Variants in FAM184B observed in about 807,000 individuals in gnomAD.
FAM184B encodes the protein family with sequence similarity 184 member B, also known as protein FAM184B.
A neutral mutation model predicts 135.9 loss-of-function variants in FAM184B; 111 were observed. That is an observed-to-expected ratio of 0.82 (90% confidence interval 0.70 to 0.96). The LOEUF is 0.96. FAM184B is among the 40% of genes least tolerant of loss of function. The pLI is 0.00. For missense variants in FAM184B, 1,375 were observed against 1,323.9 expected (o/e 1.04, Z -0.60); for synonymous variants, 552 against 524.8 (o/e 1.05, Z -0.71).
intron 1 of FAM184B, among the ~76,000 whole-genome samples, chr4:17,779,197 A>G (rs901463197): frequency 3.3e-5 from 5 of 152,210 alleles, no homozygotes; most frequent in Admixed American, 1.3e-4. Context: ...GAGCCCAAAT[A>G]TATTAGTAAT....
rs199549580 is a variant in FAM184B, at chr4:17,632,043, ATTTTTTTTTT to A, written c.*479_*488del. 3.7e-4 allele frequency: 44 copies of A among 117,570 alleles called. No homozygotes were observed. The highest frequency in any genetic ancestry group is 1.1e-3 in the East Asian group (5 of 4,594). 7.3% of individuals were successfully genotyped at this position (117,570 alleles called of 1,614,324 possible). On this transcript the variant is annotated 3_prime_UTR_variant, in exon 18 of 18. Transcript: ENST00000265018. ...TTTTAATAACACTGGTTTAATGTCA[ATTTTTTTTTT>A]TTTTTTTTTTTTTTTTTTTTTTTTT... is the stretch of plus-strand genomic sequence containing the variant.
Position 17,633,754 on chromosome 4 carries a change from G to T in FAM184B, c.3024C>A (p.Asp1008Glu). ...APPITTSPSL[D>E]PSPSCGRTYK... ...AGGTCCGGCCACAGCTGGGGCTTGG[G>T]TCCAAGCTGGGTGATGTAGTTATTG... The change falls in exon 17 of 18, where the codon GAC becomes GAA. Residue 1008 changes from aspartate to glutamate, a missense_variant. Asp to Glu is a conservative substitution (Grantham distance 45, BLOSUM62 2). Transcript: ENST00000265018. 6.4e-7 allele frequency: 1 copy of T among 1,551,224 alleles called. No homozygotes were observed. The highest frequency in any genetic ancestry group is 8.7e-7 in the Non-Finnish European group (1 of 1,146,814).
chr4:17,647,648 T>C lies in FAM184B; in HGVS notation c.2335A>G (p.Ile779Val), dbSNP rs1203904207. 1 of 1,549,856 alleles carries C rather than the reference T, an allele frequency of 6.5e-7. No individual in the cohort carries two copies. The highest frequency in any genetic ancestry group is 8.7e-7 in the Non-Finnish European group (1 of 1,146,566). Residue 779 changes from isoleucine to valine, a missense_variant, in exon 12 of 18, where the codon ATC (isoleucine) becomes GTC (valine). Coordinates refer to ENST00000265018, the MANE Select transcript of FAM184B (RefSeq NM_015688.2). ...GCGGGGGCACTGACCTCTGTGGCGA[T>C]TATGTGATCCTTGCTGTCTCCTGGA... is the stretch of plus-strand genomic sequence containing the variant. ...QCPGDSKDHI[I>V]ATEERGGPGQ...
intron 1 of FAM184B, among the ~76,000 whole-genome samples, chr4:17,769,849 G>T (rs1042310755): frequency 2.0e-5 from 3 of 152,150 alleles, no homozygotes; most frequent in African/African-American, 4.8e-5. Flanking sequence ...ATATAGGAGA[G>T]GACAGAAATA....
At position 17,658,459 on chromosome 4, in the gene FAM184B, C is replaced by T. The variant is rs1860596; in HGVS notation, c.1928G>A (p.Arg643His). 936,478 of 1,551,208 alleles carry T rather than the reference C, an allele frequency of 0.6. 286,913 individuals carry two copies. Among genetic ancestry groups the T allele is most frequent in the East Asian group, 0.9 (36,665 of 40,872 alleles). Residue 643 changes from arginine (R) to histidine (H), a missense_variant, in exon 10 of 18, where the codon CGT becomes CAT. Physicochemically the swap from Arg to His is conservative, Grantham distance 29 (BLOSUM62 0). Transcript: ENST00000265018. ...LSDLEREKLQ[R>H]ELQETTQQNH... Reference sequence around the variant, plus strand: ...CTGCTGAGTGGTCTCCTGGAGCTCACGCTGCAGCTTCTCCCTCTCCAGGTC... The same window carrying T: ...CTGCTGAGTGGTCTCCTGGAGCTCATGCTGCAGCTTCTCCCTCTCCAGGTC...
At chr4:17,649,855 T>TCCATCCAC (rs1715563136) in intron 11 of FAM184B, among the ~76,000 whole-genome samples, 1 of 138,792 alleles carries the variant, frequency 7.2e-6, no homozygotes, top group African/African-American at 2.5e-5. Flanking sequence ...TGTCCATCCA[T>TCCATCCAC]CCATCCACCC....
chr4:17,686,684 G>A (rs1009410833), intron 7 of FAM184B, among the ~76,000 whole-genome samples: 4 of 152,246 alleles, frequency 2.6e-5, no homozygotes, highest in Non-Finnish European at 4.4e-5. Flanking sequence ...GCTCATGCCT[G>A]TAATCCCAGC....
At chr4:17,652,762 G>A in intron 11 of FAM184B, 68 bp downstream of exon 11, 4 of 1,502,178 alleles carry the variant, frequency 2.7e-6, no homozygotes, top group Non-Finnish European at 1.8e-6. Context: ...CCCTCAGCTT[G>A]TCTCTGGTTT....
At chr4:17,687,322 T>C (rs1716611484) in intron 7 of FAM184B, among the ~76,000 whole-genome samples, 1 of 152,166 alleles carries the variant, frequency 6.6e-6, no homozygotes. Flanking sequence ...ATAAGTGAAA[T>C]TGAAGGCCGT....
chr4:17,732,088 G>A (rs1380424998), intron 1 of FAM184B, among the ~76,000 whole-genome samples: 1 of 152,140 alleles, frequency 6.6e-6, no homozygotes, highest in Non-Finnish European at 1.5e-5. Flanking sequence ...AGTGACTACT[G>A]GGTACATAAC....
intron 7 of FAM184B, among the ~76,000 whole-genome samples, chr4:17,681,372 C>T (rs1716429048): frequency 6.6e-6 from 1 of 152,182 alleles, no homozygotes; most frequent in Admixed American, 6.5e-5. Flanking sequence ...TGTCCTAAGC[C>T]TTAGGCAGGT....
rs1052755061 is a variant in FAM184B at position 17,734,430 on chromosome 4, C to T, written c.142-24786G>A. Among the ~76,000 whole-genome samples the T allele has an allele frequency of 2.5e-4, 38 of 152,208 alleles. No individual in the cohort carries two copies. The East Asian group carries it at 6.4e-3, about 26-fold the overall frequency. On this transcript the variant is annotated intron_variant, in intron 1 of 17. Coordinates refer to ENST00000265018, the MANE Select transcript of FAM184B (RefSeq NM_015688.2). ...TGGGAGAAAATTTTTGCAACCTACT[C>T]ATCTGACAAAGGCCTAATATCCAGA...
At chr4:17,720,016 T>G (rs1049468927) in intron 1 of FAM184B, among the ~76,000 whole-genome samples, 2 of 152,226 alleles carry the variant, frequency 1.3e-5, no homozygotes, top group Non-Finnish European at 2.9e-5. Flanking sequence ...TCTCATCTCT[T>G]TGGCTAGTTA....
intron 6 of FAM184B, among the ~76,000 whole-genome samples, chr4:17,689,870 C>CG (rs1350027113): frequency 6.6e-6 from 1 of 151,540 alleles, no homozygotes; most frequent in Non-Finnish European, 1.5e-5. Context: ...GCAATAGGGC[C>CG]GGGTGTGGTG....
Position 17,781,460 on chromosome 4 carries a change from T to A in FAM184B, c.-161A>T. On this transcript the variant is annotated 5_prime_UTR_variant, in exon 1 of 18. Transcript: ENST00000265018. This position sits in a 1 kb window ranked among gnomAD's most constrained non-coding sequence, Gnocchi z 6.5. ...GCGTGGCCCCAGCTTCCCGAAGGTC[T>A]CCGCCTCCCGGGCCCACCCGCGCGC... 1 of 888,724 alleles carries A rather than the reference T, an allele frequency of 1.1e-6. No homozygotes were observed. The highest frequency in any genetic ancestry group is 1.6e-6 in the Non-Finnish European group (1 of 640,944). The allele number at this position is 888,724 out of a possible 1,614,324, so 55.1% of individuals were successfully genotyped here.
chr4:17,721,406 A>AAAAAAAAAAAAAAAAAAAAAAAAAC (rs1560185395), intron 1 of FAM184B, among the ~76,000 whole-genome samples: 1 of 143,396 alleles, frequency 7.0e-6, no homozygotes, highest in Non-Finnish European at 1.5e-5. Context: ...AAAAAAAAAA[A>AAAAAAAAAAAAAAAAAAAAAAAAAC]TCTCTTTGCC....
intron 1 of FAM184B, among the ~76,000 whole-genome samples, chr4:17,739,156 G>A (rs1717969347): frequency 6.6e-6 from 1 of 152,216 alleles, no homozygotes; most frequent in Non-Finnish European, 1.5e-5. Flanking sequence ...TAGGATTCAT[G>A]TATTCACCTC....
chr4:17,732,154 C>T (rs1416499438), intron 1 of FAM184B, among the ~76,000 whole-genome samples: 2 of 152,162 alleles, frequency 1.3e-5, no homozygotes, highest in African/African-American at 2.4e-5. Flanking sequence ...AAAGACACAA[C>T]ATACCAGAAT....
At chr4:17,752,395 A>C (rs1366351294) in intron 1 of FAM184B, among the ~76,000 whole-genome samples, 4 of 152,102 alleles carry the variant, frequency 2.6e-5, no homozygotes, top group Non-Finnish European at 4.4e-5. Context: ...AGGCAATGAA[A>C]AGAATGAATG....
Sources: allele counts gnomAD v4.1 joint callset (sites outside exome capture counted in the v4.1 genomes callset), GRCh38; gene constraint gnomAD v4.1.1; non-coding constraint Gnocchi (gnomAD v3.1); transcripts MANE v1.5; gene names NCBI Gene and HGNC (gene_info 2026-07-23, HGNC 2026-07-21).